ADAM29: variants seen among roughly 807,000 people sequenced by gnomAD.
ADAM29 encodes the protein ADAM metallopeptidase domain 29, also known as disintegrin and metalloproteinase domain-containing protein 29.
For missense variants in ADAM29, 969 were observed against 1,001.8 expected (o/e 0.97, Z 0.44); for synonymous variants, 367 against 342.3 (o/e 1.07, Z -0.80).
chr4:174,934,470 A>C (rs576445335), intron 3 of ADAM29, among the ~76,000 whole-genome samples: 1 of 152,096 alleles, frequency 6.6e-6, no homozygotes, highest in South Asian at 2.1e-4. Context: ...CTATTTTTTA[A>C]TGTATAATCT....
Position 174,928,569 on chromosome 4 carries a change from T to TAAAAA in ADAM29, c.-450-2409_-450-2405dup, listed in dbSNP as rs70947474. Among the ~76,000 whole-genome samples the TAAAAA allele has an allele frequency of 2.3e-5, 3 of 131,810 alleles. 1 individual carries two copies. The highest frequency in any genetic ancestry group is 4.7e-5 in the Non-Finnish European group (3 of 63,190). 86.5% of individuals were successfully genotyped at this position (131,810 alleles called of 152,430 possible). ...CTCTACAAATTCCCTGTCATGTGCTTAAAAAAAAAAAAGACACCAGCCAGA... is the reference window on the plus strand; with the variant it reads ...CTCTACAAATTCCCTGTCATGTGCTTAAAAAAAAAAAAAAAAAGACACCAGCCAGA... On this transcript the variant is annotated intron_variant, in intron 2 of 4. Coordinates refer to ENST00000359240, the MANE Select transcript of ADAM29 (RefSeq NM_014269.4).
intron 2 of ADAM29, among the ~76,000 whole-genome samples, chr4:174,929,504 G>C (rs1579010392): frequency 6.6e-6 from 1 of 152,094 alleles, no homozygotes; most frequent in African/African-American, 2.4e-5. Flanking sequence ...TCTCCACAAA[G>C]GCAGAGTCCC....
chr4:174,941,467 C>A (rs1348855066), intron 4 of ADAM29, among the ~76,000 whole-genome samples: 1 of 152,142 alleles, frequency 6.6e-6, no homozygotes, highest in East Asian at 1.9e-4. Context: ...CACAGCTTCA[C>A]ATAGCTGGGG....
chr4:174,952,374 A>G lies in ADAM29; in HGVS notation c.-181+15361A>G, dbSNP rs202230365. On this transcript the variant is annotated intron_variant, in intron 4 of 4. Coordinates refer to ENST00000359240, the MANE Select transcript of ADAM29 (RefSeq NM_014269.4). Reference sequence around the variant, plus strand: ...ACCACACACACACACACACACACACACACACACCTTAATTACAGCAGTTTA... The same window carrying G: ...ACCACACACACACACACACACACACGCACACACCTTAATTACAGCAGTTTA... 2.5e-4 allele frequency among the ~76,000 whole-genome samples: 38 copies of G among 151,984 alleles called. 1 individual carries two copies. The East Asian group carries it at 7.2e-3, about 29-fold the overall frequency.
chr4:174,926,845 T>C (rs554456108), intron 2 of ADAM29, among the ~76,000 whole-genome samples: 6 of 152,348 alleles, frequency 3.9e-5, no homozygotes, highest in African/African-American at 1.4e-4. Context: ...TACCACCTTT[T>C]CATTAAATAG....
intron 4 of ADAM29, among the ~76,000 whole-genome samples, chr4:174,970,633 C>A (rs1044614679): frequency 4.6e-5 from 7 of 152,126 alleles, no homozygotes; most frequent in Admixed American, 4.6e-4. Context: ...TAAGGTAATA[C>A]ATTTGTGTTG....
chr4:174,924,924 G>C lies in ADAM29; in HGVS notation c.-451+4132G>C, dbSNP rs79817977. Among the ~76,000 whole-genome samples, 6 of 152,274 alleles carry C rather than the reference G, an allele frequency of 3.9e-5. No individual in the cohort carries two copies. The East Asian group carries it at 1.2e-3, about 29-fold the overall frequency. ...GAAATGGACAAATCTACCTAAGCCC[G>C]ATGATGAAGGCCAACATTAACTGTG... On this transcript the variant is annotated intron_variant, in intron 2 of 4. Transcript: ENST00000359240.
chr4:174,942,572 G>A (rs1744600437), intron 4 of ADAM29, among the ~76,000 whole-genome samples: 1 of 152,158 alleles, frequency 6.6e-6, no homozygotes, highest in Non-Finnish European at 1.5e-5. Context: ...TGGAGCTGGA[G>A]TGGCTGGGAT....
chr4:174,948,749 G>T (rs1346850230), intron 4 of ADAM29, among the ~76,000 whole-genome samples: 2 of 152,186 alleles, frequency 1.3e-5, no homozygotes, highest in East Asian at 3.9e-4. Context: ...CACTTGTGCT[G>T]ATAGTGGCAG....
intron 4 of ADAM29, among the ~76,000 whole-genome samples, chr4:174,964,502 G>A (rs923143448): frequency 6.6e-6 from 1 of 152,068 alleles, no homozygotes; most frequent in African/African-American, 2.4e-5. Flanking sequence ...ATGCAGAAGT[G>A]TAAAGATAAG....
intron 4 of ADAM29, among the ~76,000 whole-genome samples, chr4:174,947,175 T>C (rs1359569767): frequency 6.6e-6 from 1 of 152,088 alleles, no homozygotes; most frequent in Non-Finnish European, 1.5e-5. Context: ...ATTAATCATA[T>C]TTATTTTTTC....
intron 4 of ADAM29, among the ~76,000 whole-genome samples, chr4:174,974,092 A>C (rs1042033830): frequency 1.3e-5 from 2 of 152,146 alleles, no homozygotes; most frequent in Non-Finnish European, 2.9e-5. Context: ...CCACCAGTGC[A>C]CTGAATGTGG....
At position 174,977,454 on chromosome 4, in the gene ADAM29, T is replaced by C. The variant is rs765331990; in HGVS notation, c.1929T>C (p.His643=). The change falls in exon 5 of 5, where the codon CAT becomes CAC. Residue 643 remains histidine (H), a synonymous_variant. Coordinates refer to ENST00000359240, the MANE Select transcript of ADAM29 (RefSeq NM_014269.4). The part of the protein sequence containing the change: ...RGICNNKHHC[H]CNYLWDPPNC... ...TCTGCAACAATAAACATCACTGCCA[T>C]TGCAATTATCTGTGGGACCCTCCCA... is the stretch of plus-strand genomic sequence containing the variant. The C allele has an allele frequency of 6.2e-7, 1 of 1,613,968 alleles. No homozygotes were observed. The highest frequency in any genetic ancestry group is 2.2e-5 in the East Asian group (1 of 44,878).
At position 174,920,694 on chromosome 4, in the gene ADAM29, G is replaced by A. The variant is rs1560855085; in HGVS notation, c.-549G>A. 1 of 152,050 alleles carries A rather than the reference G, an allele frequency of 6.6e-6. No homozygotes were observed. Among genetic ancestry groups the A allele is most frequent in the Non-Finnish European group, 1.5e-5 (1 of 67,990 alleles). The allele number at this position is 152,050 out of a possible 1,614,324, so 9.4% of individuals were successfully genotyped here. A position where few individuals can be genotyped will look rare whatever the true frequency, so the allele number is the denominator to read the frequency against. On this transcript the variant is annotated 5_prime_UTR_variant, in exon 2 of 5. Transcript: ENST00000359240. Reference sequence around the variant, plus strand: ...TTGTTTCCATTCCCATAGCTTGCTGGATGAATAAAGGAAAGAAGGTTTATA... The same window carrying A: ...TTGTTTCCATTCCCATAGCTTGCTGAATGAATAAAGGAAAGAAGGTTTATA...
At position 174,976,756 on chromosome 4, in the gene ADAM29, T is replaced by A. The variant is rs772970685; in HGVS notation, c.1231T>A (p.Cys411Ser). 6.8e-6 allele frequency: 11 copies of A among 1,613,800 alleles called. No individual in the cohort carries two copies. Among genetic ancestry groups the A allele is most frequent in the Non-Finnish European group, 9.3e-6 (11 of 1,179,864 alleles). Residue 411 changes from cysteine to serine, a missense_variant, in exon 5 of 5, where the codon TGT becomes AGT. Cys to Ser is a moderately radical substitution (Grantham distance 112, BLOSUM62 -1). Coordinates refer to ENST00000359240, the MANE Select transcript of ADAM29 (RefSeq NM_014269.4). ...GNGVVEEGEE[C>S]DCGPLKHCAK... ...TGGTGTTGTTGAAGAAGGAGAAGAGTGTGACTGTGGACCTTTAAAGCATTG... is the reference window on the plus strand; with the variant it reads ...TGGTGTTGTTGAAGAAGGAGAAGAGAGTGACTGTGGACCTTTAAAGCATTG...
At chr4:174,918,730 T>C (rs1743009543) in intron 1 of ADAM29, among the ~76,000 whole-genome samples, 1 of 151,550 alleles carries the variant, frequency 6.6e-6, no homozygotes, top group South Asian at 2.1e-4. Flanking sequence ...CTATTCCTTG[T>C]AGTACTTCTC....
intron 4 of ADAM29, among the ~76,000 whole-genome samples, chr4:174,971,275 T>TCTGTC (rs1746467251): frequency 6.6e-6 from 1 of 152,206 alleles, no homozygotes; most frequent in African/African-American, 2.4e-5. Flanking sequence ...AATATCTGTA[T>TCTGTC]CTGTCCCTAT....
chr4:174,929,255 A>G (rs1411946214), intron 2 of ADAM29, among the ~76,000 whole-genome samples: 1 of 152,164 alleles, frequency 6.6e-6, no homozygotes, highest in East Asian at 1.9e-4. Flanking sequence ...TTGATAAGGC[A>G]CATTTTGTAC....
At chr4:174,935,914 A>G (rs1029692002) in intron 3 of ADAM29, among the ~76,000 whole-genome samples, 4 of 152,058 alleles carry the variant, frequency 2.6e-5, no homozygotes, top group Admixed American at 2.6e-4. Flanking sequence ...TACGAGAATT[A>G]TGTTTGCACT....
Sources: gnomAD v4.1 joint callset for allele counts (sites outside exome capture counted in the v4.1 genomes callset) on GRCh38, gnomAD v4.1.1 for gene constraint, MANE v1.5 for transcripts, NCBI Gene and HGNC (gene_info 2026-07-23, HGNC 2026-07-21) for gene names.